NEDD4: variants seen among roughly 807,000 people sequenced by gnomAD.
NEDD4 encodes NEDD4 E3 ubiquitin protein ligase, also known as E3 ubiquitin-protein ligase NEDD4.
A neutral mutation model predicts 144.9 loss-of-function variants in NEDD4; 99 were observed. The observed-to-expected ratio is 0.68, with a 90% CI of 0.58 to 0.81. The LOEUF (loss-of-function observed/expected upper bound fraction) is 0.81. NEDD4 is among the 30% of genes least tolerant of loss of function. The probability of loss-of-function intolerance (pLI) is 0.00; values close to 1 mark genes in which losing one functional copy is unlikely to be tolerated. For synonymous variants in NEDD4, 318 were observed against 350.6 expected, an observed-to-expected ratio of 0.91 and a Z score of 1.04; for missense variants, 985 against 1,065.9, an observed-to-expected ratio of 0.92 and a Z score of 1.06.
intron 5 of NEDD4, among the ~76,000 whole-genome samples, chr15:55,898,989 T>G (rs2035828009): frequency 6.6e-6 from 1 of 152,188 alleles, no homozygotes; most frequent in Non-Finnish European, 1.5e-5. Context: ...TTTTTAGTAG[T>G]CTTTTTCCTA....
At chr15:55,928,622 A>T (rs1448632028) in intron 4 of NEDD4, among the ~76,000 whole-genome samples, 7 of 152,160 alleles carry the variant, frequency 4.6e-5, no homozygotes, top group Non-Finnish European at 8.8e-5. Context: ...TCCACTTGCA[A>T]CACCTTCTCC....
chr15:55,848,497 A>T (rs201340191), intron 16 of NEDD4, 24 bp downstream of exon 16: 1 of 1,613,208 alleles, frequency 6.2e-7, no homozygotes, highest in Non-Finnish European at 8.5e-7. Flanking sequence ...AAAATAACAT[A>T]ATGAAAAATC....
chr15:55,909,802 T>C (rs1434628264), intron 5 of NEDD4, among the ~76,000 whole-genome samples: 3 of 152,232 alleles, frequency 2.0e-5, no homozygotes. Context: ...AATTGCCTAT[T>C]ATCCAAGTAG....
At chr15:55,972,979 T>C (rs1281013143) in intron 1 of NEDD4, among the ~76,000 whole-genome samples, 2 of 152,228 alleles carry the variant, frequency 1.3e-5, no homozygotes, top group African/African-American at 4.8e-5. Flanking sequence ...TACCCAGTTA[T>C]ATAAAGCAAA....
At chr15:55,850,461 C>A (rs1192796233) in intron 14 of NEDD4, 81 bp downstream of exon 14, 3 of 1,284,756 alleles carry the variant, frequency 2.3e-6, no homozygotes, top group African/African-American at 3.0e-5. Context: ...TATACTAATA[C>A]ATACTTAAAG....
intron 5 of NEDD4, among the ~76,000 whole-genome samples, chr15:55,917,980 CA>C (rs1566951506): frequency 1.3e-5 from 2 of 152,104 alleles, no homozygotes; most frequent in African/African-American, 4.8e-5. Context: ...GTCTCAATGC[CA>C]ATTCTGTTCT....
intron 18 of NEDD4, among the ~76,000 whole-genome samples, chr15:55,843,372 G>C (rs1182810441): frequency 6.6e-6 from 1 of 152,190 alleles, no homozygotes. Context: ...GACGACTTAA[G>C]AAAGTCTTAG....
chr15:55,880,297 A>T (rs1381092764), intron 5 of NEDD4, among the ~76,000 whole-genome samples: 1 of 152,184 alleles, frequency 6.6e-6, no homozygotes, highest in Non-Finnish European at 1.5e-5. Flanking sequence ...GTCTCCAAAA[A>T]AAAAGAATAA....
At chr15:55,894,821 A>C (rs374724978) in intron 5 of NEDD4, among the ~76,000 whole-genome samples, 1 of 152,206 alleles carries the variant, frequency 6.6e-6, no homozygotes, top group Non-Finnish European at 1.5e-5. Flanking sequence ...CAGGCAAGAC[A>C]TAACAGGAAT....
intron 5 of NEDD4, among the ~76,000 whole-genome samples, chr15:55,877,117 T>C (rs907136785): frequency 2.0e-5 from 3 of 152,222 alleles, no homozygotes; most frequent in Non-Finnish European, 2.9e-5. Flanking sequence ...TAAATAACCA[T>C]ATTATGATGA....
chr15:55,871,299 G>T (rs372154240), intron 7 of NEDD4, among the ~76,000 whole-genome samples: 1 of 152,196 alleles, frequency 6.6e-6, no homozygotes, highest in Non-Finnish European at 1.5e-5. Flanking sequence ...TGGAAAAGAA[G>T]CCTCAAGGTT....
chr15:55,930,119 G>A (rs1244973514), intron 4 of NEDD4, among the ~76,000 whole-genome samples: 1 of 152,078 alleles, frequency 6.6e-6, no homozygotes, highest in African/African-American at 2.4e-5. Flanking sequence ...TATGGCTTGT[G>A]TGCTAAATCC....
At chr15:55,836,519 A>G (rs2033204629) in intron 24 of NEDD4, among the ~76,000 whole-genome samples, 1 of 152,006 alleles carries the variant, frequency 6.6e-6, no homozygotes, top group African/African-American at 2.4e-5. Flanking sequence ...TGCACATGCC[A>G]TGACACCAGG....
chr15:55,831,210 G>T (rs1178140491), intron 27 of NEDD4, among the ~76,000 whole-genome samples: 2 of 152,138 alleles, frequency 1.3e-5, no homozygotes, highest in East Asian at 3.9e-4. Flanking sequence ...ATGAGCTACC[G>T]CACCCAGCCG....
chr15:55,833,505 A>C (rs1177448653), intron 26 of NEDD4, among the ~76,000 whole-genome samples: 1 of 151,812 alleles, frequency 6.6e-6, no homozygotes, highest in Non-Finnish European at 1.5e-5. Flanking sequence ...TAAAAATACA[A>C]AAAAAAATAA....
At chr15:55,875,849 G>A (rs2034974139) in intron 5 of NEDD4, among the ~76,000 whole-genome samples, 1 of 151,846 alleles carries the variant, frequency 6.6e-6, no homozygotes, top group Non-Finnish European at 1.5e-5. Flanking sequence ...AAAAATATTT[G>A]GGGAAAAAAA....
intron 5 of NEDD4, among the ~76,000 whole-genome samples, chr15:55,883,409 C>A (rs1196674892): frequency 6.6e-6 from 1 of 152,102 alleles, no homozygotes; most frequent in East Asian, 1.9e-4. Flanking sequence ...TGACTCCAGG[C>A]CCTGACTTCT....
chr15:55,863,300 T>C (rs958923002), intron 8 of NEDD4, among the ~76,000 whole-genome samples: 4 of 152,150 alleles, frequency 2.6e-5, no homozygotes, highest in African/African-American at 7.2e-5. Flanking sequence ...TTGTTTAAAA[T>C]TGTCTAAAAA....
chr15:55,989,541 C>T (rs1052894656), intron 1 of NEDD4, among the ~76,000 whole-genome samples: 54 of 152,206 alleles, frequency 3.5e-4, no homozygotes, highest in Admixed American at 3.5e-3. Context: ...ATATGCCCTT[C>T]TTACCCTGCT....
Sources: allele counts gnomAD v4.1 joint callset (sites outside exome capture counted in the v4.1 genomes callset), GRCh38; gene constraint gnomAD v4.1.1; transcripts MANE v1.5; gene names NCBI Gene and HGNC (gene_info 2026-07-23, HGNC 2026-07-21).